Variants in EVC observed in about 807,000 individuals in gnomAD.
EVC encodes EvC ciliary complex subunit 1, also known as evC complex member EVC.
Under a neutral mutation model 118.9 loss-of-function variants are expected in EVC, and 116 were observed. That is an observed-to-expected ratio of 0.98 (90% CI 0.84 to 1.14). EVC has a LOEUF of 1.14. EVC is among the 50% of genes most tolerant of loss of function. EVC has a pLI of 0.00. For missense variants in EVC, 1,401 were observed against 1,246.4 expected (o/e 1.12, Z -1.87); for synonymous variants, 619 against 534.7 (o/e 1.16, Z -2.18).
At position 5,743,546 on chromosome 4, in the gene EVC, C is replaced by T. The variant is rs915406908; in HGVS notation, c.802-1658C>T. On this transcript the variant is annotated intron_variant, in intron 6 of 20. Coordinates refer to ENST00000264956, the MANE Select transcript of EVC (RefSeq NM_153717.3). The surrounding 1 kb of genome is among the most constrained non-coding windows in gnomAD (Gnocchi z 4.7). ...TTTATCATCTTTCCTGCTACCTCTA[C>T]CTTCACCTTCATTAGAGTCCTCATT... 1.1e-4 allele frequency among the ~76,000 whole-genome samples: 16 copies of T among 152,174 alleles called. No individual in the cohort carries two copies. The highest frequency in any genetic ancestry group is 3.6e-4 in the African/African-American group (15 of 41,434).
At chr4:5,734,847 C>G (rs1727419615) in intron 5 of EVC, among the ~76,000 whole-genome samples, 1 of 152,168 alleles carries the variant, frequency 6.6e-6, no homozygotes, top group African/African-American at 2.4e-5. Context: ...TGGATGGGGG[C>G]CACCAGGCAG....
At chr4:5,745,473 A>G in intron 7 of EVC, 132 bp downstream of exon 7, 1 of 915,592 alleles carries the variant, frequency 1.1e-6, no homozygotes, top group Non-Finnish European at 1.7e-6. Flanking sequence ...CCCTAGAGGC[A>G]GGATCCAGTT....
At chr4:5,713,561 C>T (rs1201652532) in intron 1 of EVC, among the ~76,000 whole-genome samples, 3 of 151,750 alleles carry the variant, frequency 2.0e-5, no homozygotes, top group Non-Finnish European at 4.4e-5. Context: ...CCTGTAATCC[C>T]AGCTACTCAG....
chr4:5,787,241 G>GC (rs1263809272), intron 12 of EVC, among the ~76,000 whole-genome samples: 2 of 152,152 alleles, frequency 1.3e-5, no homozygotes, highest in African/African-American at 4.8e-5. Flanking sequence ...AGCTATAATG[G>GC]CCCCCCAGAG....
intron 2 of EVC, among the ~76,000 whole-genome samples, chr4:5,726,455 A>G (rs1725823654): frequency 6.6e-6 from 1 of 152,112 alleles, no homozygotes; most frequent in South Asian, 2.1e-4. Context: ...GCCATGGATA[A>G]GTCCATCCAG....
In EVC at chr4:5,789,568, A is replaced by T. The variant is rs182716525; in HGVS notation, c.1777-4040A>T. 6.6e-6 allele frequency among the ~76,000 whole-genome samples: 1 copy of T among 152,200 alleles called. No individual in the cohort carries two copies. The highest frequency in any genetic ancestry group is 6.5e-5 in the Admixed American group (1 of 15,284). On this transcript the variant is annotated intron_variant, in intron 12 of 20. Coordinates refer to ENST00000264956, the MANE Select transcript of EVC (RefSeq NM_153717.3). This position sits in a 1 kb window ranked among gnomAD's most constrained non-coding sequence, Gnocchi z 4.3. ...AACTTTCAGCACATGCTAGGCATCA[A>T]TCAATAGATCTTTCCCTTTCTCCCC...
At position 5,738,370 on chromosome 4, in the gene EVC, T is replaced by G. The variant is rs1461042964; in HGVS notation, c.703-3346T>G. ...TTATTTGATAAAGCAGCTGCAGGGT[T>G]TGAGAGGATTGACTCCAAGTTTTAA... is the stretch of plus-strand genomic sequence containing the variant. On this transcript the variant is annotated intron_variant, in intron 5 of 20. Transcript: ENST00000264956. This position sits in a 1 kb window ranked among gnomAD's most constrained non-coding sequence, Gnocchi z 6.5. Among the ~76,000 whole-genome samples the G allele has an allele frequency of 6.6e-6, 1 of 152,204 alleles. No individual in the cohort carries two copies. The highest frequency in any genetic ancestry group is 1.5e-5 in the Non-Finnish European group (1 of 68,038).
At chr4:5,767,586 G>A (rs1482631876) in intron 11 of EVC, among the ~76,000 whole-genome samples, 2 of 151,386 alleles carry the variant, frequency 1.3e-5, no homozygotes, top group East Asian at 3.9e-4. Context: ...AGCCACGTGT[G>A]GGATATAATC....
At position 5,797,226 on chromosome 4, in the gene EVC, G is replaced by T. The variant is rs767425169; in HGVS notation, c.2091G>T (p.Arg697Ser). 1 of 1,607,288 alleles carries T rather than the reference G, an allele frequency of 6.2e-7. No homozygotes were observed. Among genetic ancestry groups the T allele is most frequent in the South Asian group, 1.1e-5 (1 of 90,170 alleles). ...CLDEHQWQLL[R>S]ALEARVLEEA... ...ACGAGCATCAGTGGCAGCTGCTCAG[G>T]GCCCTGGTAAGACCAGCATGGTGGC... Residue 697 changes from arginine to serine, a missense_variant, in exon 14 of 21, where the codon AGG (arginine) becomes AGT (serine). By Grantham distance (110) the Arg-to-Ser change is moderately radical. Coordinates refer to ENST00000264956, the MANE Select transcript of EVC (RefSeq NM_153717.3).
At chr4:5,726,001 C>T (rs1354370446) in intron 2 of EVC, among the ~76,000 whole-genome samples, 3 of 152,190 alleles carry the variant, frequency 2.0e-5, no homozygotes, top group Admixed American at 6.5e-5. Flanking sequence ...GTGTCCCTCC[C>T]GTGTTGCTCA....
At position 5,731,548 on chromosome 4, in the gene EVC, G is replaced by C; in HGVS notation, c.508G>C (p.Asp170His). 6.2e-7 allele frequency: 1 copy of C among 1,614,092 alleles called. No individual in the cohort carries two copies. The highest frequency in any genetic ancestry group is 8.5e-7 in the Non-Finnish European group (1 of 1,180,024). The change falls in exon 4 of 21, where the codon GAC becomes CAC. Residue 170 changes from aspartate (D) to histidine (H), a missense_variant. Physicochemically the swap from Asp to His is moderately conservative, Grantham distance 81. Transcript: ENST00000264956. The surrounding 1 kb of genome is among the most constrained non-coding windows in gnomAD (Gnocchi z 5.6). ...GGGGAGCCTGAGCCAGGGTGAGAAG[G>C]ACGACTGCAGCTCCTCATCCAGCGT... ...SLGSLSQGEK[D>H]DCSSSSSVHS... is the part of the protein sequence containing the mutation.
chr4:5,746,165 C>G lies in EVC; in HGVS notation c.939+824C>G, dbSNP rs1471484135. ...AGGGCTTGTTTGTGTCTTAAGCCAG[C>G]GAGATGGGAGTGTCTATTGCCAGCG... is the stretch of plus-strand genomic sequence containing the variant. On this transcript the variant is annotated intron_variant, in intron 7 of 20. Coordinates refer to ENST00000264956, the MANE Select transcript of EVC (RefSeq NM_153717.3). This position sits in a 1 kb window ranked among gnomAD's most constrained non-coding sequence, Gnocchi z 5.8. 6.6e-6 allele frequency among the ~76,000 whole-genome samples: 1 copy of G among 152,054 alleles called. No homozygotes were observed. Among genetic ancestry groups the G allele is most frequent in the East Asian group, 1.9e-4 (1 of 5,182 alleles).
At chr4:5,819,921 CG>C in the EVC span, among the ~76,000 whole-genome samples, 1 of 152,084 alleles carries the variant, frequency 6.6e-6, no homozygotes, top group African/African-American at 2.4e-5. Flanking sequence ...AGCCGAGGAG[CG>C]GGGGAGGAGA....
chr4:5,738,461 G>A lies in EVC; in HGVS notation c.703-3255G>A, dbSNP rs1357495599. Among the ~76,000 whole-genome samples the A allele has an allele frequency of 1.3e-5, 2 of 152,136 alleles. No individual in the cohort carries two copies. Among genetic ancestry groups the A allele is most frequent in the Non-Finnish European group, 1.5e-5 (1 of 68,038 alleles). On this transcript the variant is annotated intron_variant, in intron 5 of 20. Transcript: ENST00000264956. This position sits in a 1 kb window ranked among gnomAD's most constrained non-coding sequence, Gnocchi z 6.5. ...GCTGCAGAGAAATCTTTTGTGAAAG[G>A]AAGAGTCAGCTGATGTGGCCCACTT...
chr4:5,802,744 G>A (rs924900762), intron 16 of EVC, among the ~76,000 whole-genome samples: 3 of 152,184 alleles, frequency 2.0e-5, no homozygotes, highest in African/African-American at 2.4e-5. Context: ...GATGTGACAG[G>A]AGGTGGAGCT....
chr4:5,745,436 A>G (rs1390675963), intron 7 of EVC, 95 bp downstream of exon 7: 2 of 1,342,256 alleles, frequency 1.5e-6, no homozygotes, highest in African/African-American at 1.5e-5. Flanking sequence ...AGTGTGCCTA[A>G]TACTTGAATT....
chr4:5,741,023 A>G (rs1728484598), intron 5 of EVC, among the ~76,000 whole-genome samples: 1 of 152,238 alleles, frequency 6.6e-6, no homozygotes, highest in African/African-American at 2.4e-5. Context: ...CCATACTGGA[A>G]AACGTTTTGG....
downstream of EVC, among the ~76,000 whole-genome samples, chr4:5,816,788 T>C (rs1469400947): frequency 1.3e-5 from 2 of 151,596 alleles, no homozygotes; most frequent in African/African-American, 4.9e-5. Flanking sequence ...CTCTCCTCAT[T>C]TTGCCTCACA....
At chr4:5,794,287 A>T (rs964194182) in intron 13 of EVC, among the ~76,000 whole-genome samples, 5 of 140,028 alleles carry the variant, frequency 3.6e-5, no homozygotes, top group East Asian at 2.0e-4. Flanking sequence ...ATTTATATAT[A>T]TTTTTATATA....
Sources: allele counts gnomAD v4.1 joint callset (sites outside exome capture counted in the v4.1 genomes callset), GRCh38; gene constraint gnomAD v4.1.1; non-coding constraint Gnocchi (gnomAD v3.1); transcripts MANE v1.5; gene names NCBI Gene and HGNC (gene_info 2026-07-23, HGNC 2026-07-21).